PARM1: variants seen among roughly 807,000 people sequenced by gnomAD.
The protein encoded by PARM1 is WSC4, cell wall integrity and stress response component 4 homolog.
Under a neutral mutation model 24.6 loss-of-function variants are expected in PARM1, and 14 were observed. That is an observed-to-expected ratio of 0.57 (90% CI 0.38 to 0.89). The LOEUF is 0.89. Ranked by LOEUF, PARM1 falls within the 40% of genes least tolerant of loss-of-function variation. The probability of loss-of-function intolerance (pLI) is 0.00; values close to 1 mark genes in which losing one functional copy is unlikely to be tolerated. For synonymous variants in PARM1, 179 were observed against 156.6 expected (o/e 1.14, Z -1.07); for missense variants, 362 against 380.4 (o/e 0.95, Z 0.40).
At chr4:74,972,475 A>C (rs1722058267) in intron 1 of PARM1, among the ~76,000 whole-genome samples, 1 of 152,214 alleles carries the variant, frequency 6.6e-6, no homozygotes, top group South Asian at 2.1e-4. Flanking sequence ...AATCTAAGTC[A>C]ACACGTTTCT....
At chr4:75,003,766 C>A (rs1722723626) in intron 1 of PARM1, among the ~76,000 whole-genome samples, 1 of 152,196 alleles carries the variant, frequency 6.6e-6, no homozygotes, top group Admixed American at 6.5e-5. Flanking sequence ...CCACCAAAGA[C>A]AACTTGGGAA....
intron 2 of PARM1, among the ~76,000 whole-genome samples, chr4:75,014,343 A>G (rs1214266166): frequency 6.6e-6 from 1 of 152,186 alleles, no homozygotes; most frequent in East Asian, 1.9e-4. Context: ...ATCATTGAGG[A>G]TATCAACAAG....
At chr4:74,940,238 A>G (rs1437956580) in intron 1 of PARM1, among the ~76,000 whole-genome samples, 8 of 152,206 alleles carry the variant, frequency 5.3e-5, no homozygotes, top group Admixed American at 5.2e-4. Context: ...TTCACCCACT[A>G]TTGTATCCAT....
At chr4:74,963,347 C>A (rs1378510812) in intron 1 of PARM1, among the ~76,000 whole-genome samples, 1 of 152,150 alleles carries the variant, frequency 6.6e-6, no homozygotes, top group Non-Finnish European at 1.5e-5. Context: ...CAAACAGATA[C>A]TTTTAGGTAA....
chr4:74,961,456 G>A (rs981952385), intron 1 of PARM1, among the ~76,000 whole-genome samples: 7 of 152,128 alleles, frequency 4.6e-5, no homozygotes, highest in African/African-American at 1.7e-4. Context: ...CATTCAAGAA[G>A]CTCAACAAAC....
chr4:75,005,598 C>A (rs1011072530), intron 1 of PARM1, among the ~76,000 whole-genome samples: 10 of 152,178 alleles, frequency 6.6e-5, no homozygotes, highest in African/African-American at 2.4e-4. Flanking sequence ...ATCAGCCCCC[C>A]ACATCCCTCC....
intron 2 of PARM1, among the ~76,000 whole-genome samples, chr4:75,017,899 C>T (rs1301960261): frequency 6.6e-6 from 1 of 152,188 alleles, no homozygotes; most frequent in Non-Finnish European, 1.5e-5. Flanking sequence ...GGATAGTATT[C>T]ACATAATGCG....
chr4:75,016,445 A>T (rs2109797569), intron 2 of PARM1, among the ~76,000 whole-genome samples: 1 of 152,190 alleles, frequency 6.6e-6, no homozygotes, highest in East Asian at 1.9e-4. Context: ...GGGTACATGC[A>T]CAGGTTTGTT....
chr4:75,015,392 A>G (rs1722965031), intron 2 of PARM1, among the ~76,000 whole-genome samples: 1 of 152,200 alleles, frequency 6.6e-6, no homozygotes, highest in Admixed American at 6.5e-5. Context: ...AGAATAAATG[A>G]CAGAATGCTT....
intron 1 of PARM1, among the ~76,000 whole-genome samples, chr4:74,936,375 C>T (rs1439776229): frequency 6.6e-6 from 1 of 152,158 alleles, no homozygotes; most frequent in Non-Finnish European, 1.5e-5. Flanking sequence ...ACATTTATCC[C>T]TCTCCTGCTC....
intron 2 of PARM1, among the ~76,000 whole-genome samples, chr4:75,021,569 A>C (rs1290958582): frequency 6.6e-6 from 1 of 151,380 alleles, no homozygotes; most frequent in Non-Finnish European, 1.5e-5. Context: ...GGTAATAAGC[A>C]TAGTGCGCTA....
intron 1 of PARM1, among the ~76,000 whole-genome samples, chr4:74,992,845 G>A (rs1351976179): frequency 6.6e-6 from 1 of 152,150 alleles, no homozygotes; most frequent in African/African-American, 2.4e-5. Flanking sequence ...AAATTCTTCA[G>A]GTAGAAGGAA....
At chr4:75,021,977 T>C (rs976504228) in intron 2 of PARM1, among the ~76,000 whole-genome samples, 1 of 152,246 alleles carries the variant, frequency 6.6e-6, no homozygotes, top group African/African-American at 2.4e-5. Flanking sequence ...ATATACTCAA[T>C]AATGAGATTA....
chr4:74,952,992 T>G (rs940886372), intron 1 of PARM1, among the ~76,000 whole-genome samples: 1 of 152,316 alleles, frequency 6.6e-6, no homozygotes, highest in Non-Finnish European at 1.5e-5. Flanking sequence ...ATTAATACAT[T>G]TTCTGGAGCA....
At chr4:74,934,626 TAC>T (rs1488818344) in intron 1 of PARM1, among the ~76,000 whole-genome samples, 1 of 152,238 alleles carries the variant, frequency 6.6e-6, no homozygotes, top group Non-Finnish European at 1.5e-5. Context: ...AGTTCCCGAA[TAC>T]TCGCAGGCGG....
intron 1 of PARM1, among the ~76,000 whole-genome samples, chr4:75,008,567 C>T (rs1236771618): frequency 6.6e-6 from 1 of 152,164 alleles, no homozygotes; most frequent in Non-Finnish European, 1.5e-5. Context: ...AATGTCATCT[C>T]TTCTGTGACT....
chr4:74,982,804 C>T (rs1001974554), intron 1 of PARM1, among the ~76,000 whole-genome samples: 9 of 152,236 alleles, frequency 5.9e-5, no homozygotes, highest in African/African-American at 2.2e-4. Context: ...TAAGTTGTCA[C>T]CATTCCATGA....
At chr4:75,042,537 C>G (rs916280081) in intron 3 of PARM1, among the ~76,000 whole-genome samples, 3 of 151,934 alleles carry the variant, frequency 2.0e-5, no homozygotes, top group Non-Finnish European at 4.4e-5. Flanking sequence ...TCCCACTTTA[C>G]TTATCTTGAG....
At chr4:74,933,770 A>C (rs1224570341) in intron 1 of PARM1, among the ~76,000 whole-genome samples, 2 of 152,080 alleles carry the variant, frequency 1.3e-5, no homozygotes, top group African/African-American at 4.8e-5. Flanking sequence ...AGGGATGAAA[A>C]AGCCGGGGAA....
Sources: gnomAD v4.1 joint callset for allele counts (sites outside exome capture counted in the v4.1 genomes callset) on GRCh38, gnomAD v4.1.1 for gene constraint, MANE v1.5 for transcripts, NCBI Gene and HGNC (gene_info 2026-07-23, HGNC 2026-07-21) for gene names.